Variants in MYOF observed in about 807,000 individuals in gnomAD.
MYOF encodes myoferlin.
In MYOF, 244 loss-of-function variants were observed where a neutral mutation model predicts 284.2. That is an observed-to-expected ratio of 0.86 (90% CI 0.77 to 0.95). The LOEUF (loss-of-function observed/expected upper bound fraction) is 0.95. MYOF is among the 40% of genes least tolerant of loss of function. The pLI, the probability that MYOF is intolerant of heterozygous loss-of-function variation, is 0.00. For missense variants in MYOF, 2,496 were observed against 2,560.6 expected, an observed-to-expected ratio of 0.97 and a Z score of 0.54; for synonymous variants, 904 against 919.7, an observed-to-expected ratio of 0.98 and a Z score of 0.31.
intron 31 of MYOF, among the ~76,000 whole-genome samples, 196 bp from the exon 32 acceptor site, chr10:93,354,084 T>A (rs1356412952): frequency 1.3e-5 from 2 of 152,224 alleles, no homozygotes; most frequent in Non-Finnish European, 2.9e-5. Context: ...AAATAAAACT[T>A]ATTTTTTAGG....
intron 13 of MYOF, among the ~76,000 whole-genome samples, chr10:93,397,818 T>G (rs1328482994): frequency 6.6e-6 from 1 of 151,998 alleles, no homozygotes; most frequent in East Asian, 1.9e-4. Context: ...CCCGCCAGCC[T>G]CCCTGCCCTC....
chr10:93,446,848 G>A (rs562735051), intron 3 of MYOF, among the ~76,000 whole-genome samples: 54 of 151,924 alleles, frequency 3.6e-4, no homozygotes, highest in Non-Finnish European at 6.6e-4. Context: ...GGCCTCCTGA[G>A]CTGGGATTAC....
chr10:93,334,487 A>G (rs1350363645), intron 41 of MYOF, among the ~76,000 whole-genome samples: 1 of 152,192 alleles, frequency 6.6e-6, no homozygotes, highest in Non-Finnish European at 1.5e-5. Context: ...TTTATTCTCT[A>G]GATCCTTCAT....
intron 3 of MYOF, among the ~76,000 whole-genome samples, chr10:93,438,820 T>A (rs2134248858): frequency 6.6e-6 from 1 of 152,168 alleles, no homozygotes; most frequent in African/African-American, 2.4e-5. Flanking sequence ...TAGAACAAAC[T>A]GTAGCAGGCA....
At chr10:93,415,927 G>C (rs529318886) in intron 5 of MYOF, among the ~76,000 whole-genome samples, 1 of 152,072 alleles carries the variant, frequency 6.6e-6, no homozygotes, top group Admixed American at 6.6e-5. Context: ...TGCCCCTCTT[G>C]GGAGCAAACT....
intron 1 of MYOF, among the ~76,000 whole-genome samples, chr10:93,477,215 G>A (rs1385531330): frequency 6.6e-6 from 1 of 152,240 alleles, no homozygotes; most frequent in Admixed American, 6.5e-5. Flanking sequence ...GAAAAGGCCA[G>A]ATGCAGTGGC....
Position 93,431,520 on chromosome 10 carries a change from C to T in MYOF, c.237-4G>A, listed in dbSNP as rs756904896. The T allele has an allele frequency of 1.2e-6, 2 of 1,612,272 alleles. No individual in the cohort carries two copies. The highest frequency in any genetic ancestry group is 1.7e-6 in the Non-Finnish European group (2 of 1,178,646). ...TACAGTCGCCGTGCCAATTAATCTG[C>T]AGGGAAAACAGGAAAGCACATAGCA... On this transcript the variant is annotated splice_polypyrimidine_tract_variant and splice_region_variant and intron_variant, in intron 3 of 53. Transcript: ENST00000359263.
intron 16 of MYOF, among the ~76,000 whole-genome samples, chr10:93,394,242 CAGA>C (rs1846846032): frequency 1.3e-5 from 2 of 151,836 alleles, no homozygotes; most frequent in Non-Finnish European, 2.9e-5. Context: ...ACTGGGATTA[CAGA>C]CACCTGCCAC....
At chr10:93,453,512 T>C (rs960243684) in intron 2 of MYOF, among the ~76,000 whole-genome samples, 2 of 152,064 alleles carry the variant, frequency 1.3e-5, no homozygotes, top group Non-Finnish European at 2.9e-5. Flanking sequence ...TTGGCCAGGC[T>C]GGTCTCAAAC....
intron 7 of MYOF, among the ~76,000 whole-genome samples, chr10:93,407,654 C>T (rs1188116862): frequency 1.3e-5 from 2 of 148,588 alleles, no homozygotes; most frequent in Non-Finnish European, 3.0e-5. Flanking sequence ...AGGAGAATGG[C>T]GTGAACCCAA....
intron 1 of MYOF, among the ~76,000 whole-genome samples, chr10:93,474,295 A>T (rs2134397412): frequency 6.6e-6 from 1 of 152,232 alleles, no homozygotes; most frequent in East Asian, 1.9e-4. Context: ...CCAATGGTTG[A>T]TGAGTAAAGT....
At position 93,353,861 on chromosome 10, in the gene MYOF, T is replaced by C. The variant is rs776134104; in HGVS notation, c.3431A>G (p.Tyr1144Cys). The part of the protein sequence containing the change: ...DRVYIYHLRC[Y>C]VYQARNLLAL... The stretch of plus-strand genomic sequence containing the variant: ...CAAGAGGTTTCTGGCTTGATAGACA[T>C]AGCAGCGCAGATGGTAGATGTAGAC... The change falls in exon 32 of 54, where the codon TAT (tyrosine) becomes TGT (cysteine). Residue 1144 changes from tyrosine (Y) to cysteine (C), a missense_variant. Physicochemically the swap from Tyr to Cys is radical, Grantham distance 194. Coordinates refer to ENST00000359263, the MANE Select transcript of MYOF (RefSeq NM_013451.4). 2.5e-6 allele frequency: 4 copies of C among 1,610,876 alleles called. No individual in the cohort carries two copies. The South Asian group carries it at 4.4e-5, about 18-fold the overall frequency.
At chr10:93,455,892 A>C (rs536434904) in intron 2 of MYOF, among the ~76,000 whole-genome samples, 1 of 152,182 alleles carries the variant, frequency 6.6e-6, no homozygotes, top group African/African-American at 2.4e-5. Flanking sequence ...AGTTTCATGA[A>C]TAATTGGGTG....
intron 3 of MYOF, among the ~76,000 whole-genome samples, chr10:93,447,368 C>G (rs60597070): frequency 0.046 from 7,025 of 152,110 alleles, 414 homozygotes; most frequent in African/African-American, 0.13. Context: ...ATGCACTTAC[C>G]GATAAGACAT....
chr10:93,464,283 G>A (rs1436346734), intron 1 of MYOF, among the ~76,000 whole-genome samples: 1 of 152,144 alleles, frequency 6.6e-6, no homozygotes, highest in Non-Finnish European at 1.5e-5. Context: ...GGCCCGCCCT[G>A]CAAATTTCAG....
At position 93,335,939 on chromosome 10, in the gene MYOF, A is replaced by G; in HGVS notation, c.4545T>C (p.Ser1515=). Reference sequence around the variant, plus strand: ...TACTCACCTTAAACTCTCCAACCACAGAAGGATCTTCATTTTCATCCGACT... The same window carrying G: ...TACTCACCTTAAACTCTCCAACCACGGAAGGATCTTCATTTTCATCCGACT... The part of the protein sequence containing the change: ...RGKSDENEDP[S]VVGEFKGSFR... The change falls in exon 41 of 54, where the codon TCT becomes TCC. Residue 1515 remains serine, a synonymous_variant. Coordinates refer to ENST00000359263, the MANE Select transcript of MYOF (RefSeq NM_013451.4). The G allele has an allele frequency of 6.2e-7, 1 of 1,614,216 alleles. No individual in the cohort carries two copies. The highest frequency in any genetic ancestry group is 8.5e-7 in the Non-Finnish European group (1 of 1,180,034).
At chr10:93,425,917 T>C (rs998604882) in intron 5 of MYOF, 154 bp downstream of exon 5, 2 of 679,070 alleles carry the variant, frequency 2.9e-6, no homozygotes, top group Non-Finnish European at 5.0e-6. Flanking sequence ...AATGTCCCAA[T>C]TCAGGCAGCC....
intron 12 of MYOF, 85 bp downstream of exon 12, chr10:93,401,333 C>G: frequency 4.5e-6 from 7 of 1,541,122 alleles, no homozygotes; most frequent in Non-Finnish European, 6.2e-6. Context: ...GATAGGGACA[C>G]GAATCACTAT....
At position 93,310,654 on chromosome 10, in the gene MYOF, G is replaced by A; in HGVS notation, c.5890-11C>T. 1 of 1,612,958 alleles carries A rather than the reference G, an allele frequency of 6.2e-7. No homozygotes were observed. Among genetic ancestry groups the A allele is most frequent in the Non-Finnish European group, 8.5e-7 (1 of 1,178,976 alleles). On this transcript the variant is annotated splice_polypyrimidine_tract_variant and intron_variant, in intron 51 of 53. Coordinates refer to ENST00000359263, the MANE Select transcript of MYOF (RefSeq NM_013451.4). The stretch of plus-strand genomic sequence containing the variant: ...CATCTCCACTTTCCCCTTCAGTAAA[G>A]CAGAGCAGGTTAAACATATGACATC...
Sources: gnomAD v4.1 joint callset for allele counts (sites outside exome capture counted in the v4.1 genomes callset) on GRCh38, gnomAD v4.1.1 for gene constraint, MANE v1.5 for transcripts, NCBI Gene and HGNC (gene_info 2026-07-23, HGNC 2026-07-21) for gene names.